Variants in ARHGEF28 observed in about 807,000 individuals in gnomAD.
ARHGEF28 encodes Rho guanine nucleotide exchange factor 28, also known as 190 kDa guanine nucleotide exchange factor.
In ARHGEF28, 152 loss-of-function variants were observed where a neutral mutation model predicts 206.6. That is an observed-to-expected ratio of 0.74 (90% CI 0.64 to 0.84). The LOEUF (loss-of-function observed/expected upper bound fraction) is 0.84, where lower values mean the gene tolerates loss of function less well. ARHGEF28 is among the 40% of genes least tolerant of loss of function. ARHGEF28 has a pLI of 0.00. For missense variants in ARHGEF28, 2,028 were observed against 2,073.2 expected (o/e 0.98, Z 0.42); for synonymous variants, 763 against 776.4 (o/e 0.98, Z 0.29).
chr5:73,923,362 T>C (rs764594041), intron 35 of ARHGEF28, among the ~76,000 whole-genome samples: 1 of 152,174 alleles, frequency 6.6e-6, no homozygotes, highest in Non-Finnish European at 1.5e-5. Context: ...GTTACCTTCA[T>C]GAATATGGAG....
chr5:73,876,469 T>C (rs1760496086), intron 22 of ARHGEF28, among the ~76,000 whole-genome samples: 2 of 135,858 alleles, frequency 1.5e-5, no homozygotes, highest in African/African-American at 2.9e-5. Context: ...TGAATAGGAG[T>C]GGTGAGAGAG....
intron 2 of ARHGEF28, among the ~76,000 whole-genome samples, chr5:73,735,389 A>G (rs1441812196): frequency 1.3e-5 from 2 of 152,158 alleles, no homozygotes; most frequent in African/African-American, 4.8e-5. Flanking sequence ...ATTTAGTAGC[A>G]GAGGCAGCCA....
chr5:73,706,609 CTGAA>C (rs1336512946), intron 2 of ARHGEF28, among the ~76,000 whole-genome samples: 1 of 152,086 alleles, frequency 6.6e-6, no homozygotes, highest in Non-Finnish European at 1.5e-5. Context: ...TATTTATTGA[CTGAA>C]TGAATGAATG....
chr5:73,928,177 G>A (rs1435930738), intron 35 of ARHGEF28, among the ~76,000 whole-genome samples: 2 of 152,182 alleles, frequency 1.3e-5, no homozygotes, highest in Non-Finnish European at 2.9e-5. Context: ...CCAGCACTTC[G>A]GGAGGCCGAG....
chr5:73,776,773 A>C (rs1156254338), intron 6 of ARHGEF28, 77 bp downstream of exon 6: 1 of 1,393,990 alleles, frequency 7.2e-7, no homozygotes, highest in South Asian at 1.8e-5. Flanking sequence ...TTATGAGAAC[A>C]GTGTTTTTTG....
chr5:73,869,229 G>GGGGGGGGGGGA (rs1554072950), intron 20 of ARHGEF28, among the ~76,000 whole-genome samples: 1 of 125,516 alleles, frequency 8.0e-6, no homozygotes, highest in African/African-American at 3.1e-5. Context: ...GGGTGGAGGG[G>GGGGGGGGGGGA]GGTGGGGAAG....
chr5:73,927,293 C>T (rs1303574783), intron 35 of ARHGEF28, among the ~76,000 whole-genome samples: 1 of 152,184 alleles, frequency 6.6e-6, no homozygotes, highest in East Asian at 1.9e-4. Context: ...AGGAGGATCA[C>T]ATGAGCCTGG....
At chr5:73,684,499 A>G (rs902419102) in intron 1 of ARHGEF28, among the ~76,000 whole-genome samples, 6 of 152,036 alleles carry the variant, frequency 3.9e-5, no homozygotes, top group African/African-American at 1.2e-4. Context: ...GGGTTTTTCT[A>G]TCTTTTGGCT....
intron 22 of ARHGEF28, among the ~76,000 whole-genome samples, chr5:73,880,431 C>A (rs546597844): frequency 2.7e-4 from 41 of 152,258 alleles, no homozygotes; most frequent in African/African-American, 9.9e-4. Context: ...TGTGCTGCAC[C>A]CACTGTCCTG....
chr5:73,852,541 G>T, intron 13 of ARHGEF28, 109 bp from the exon 14 acceptor site: 2 of 898,048 alleles, frequency 2.2e-6, no homozygotes, highest in Non-Finnish European at 1.8e-6. Context: ...TTATTTTCTA[G>T]CTGGTAGTGT....
chr5:73,792,988 A>G (rs1250519008), intron 7 of ARHGEF28, among the ~76,000 whole-genome samples: 1 of 152,168 alleles, frequency 6.6e-6, no homozygotes, highest in East Asian at 1.9e-4. Context: ...TGTGTACACA[A>G]GCTGCCTGGG....
chr5:73,703,997 C>T (rs992749637), intron 2 of ARHGEF28, among the ~76,000 whole-genome samples: 2 of 149,358 alleles, frequency 1.3e-5, no homozygotes, highest in East Asian at 4.0e-4. Context: ...GCACTTCAGC[C>T]TAGATGACAG....
chr5:73,934,665 A>C (rs948577103), intron 35 of ARHGEF28, among the ~76,000 whole-genome samples: 6 of 152,206 alleles, frequency 3.9e-5, no homozygotes, highest in Admixed American at 6.5e-5. Flanking sequence ...CATGGAACAC[A>C]ACGCTGTCGG....
At chr5:73,719,516 GATTTCAGAAACTGAC>G (rs930450505) in intron 2 of ARHGEF28, among the ~76,000 whole-genome samples, 4 of 151,942 alleles carry the variant, frequency 2.6e-5, no homozygotes, top group Admixed American at 6.6e-5. Context: ...TCATACTTGG[GATTTCAGAAACTGAC>G]ATTTCTCTTT....
chr5:73,743,739 C>G (rs1343732068), intron 2 of ARHGEF28, among the ~76,000 whole-genome samples: 1 of 152,174 alleles, frequency 6.6e-6, no homozygotes, highest in Non-Finnish European at 1.5e-5. Context: ...GATAGACAGA[C>G]TCCCCAAATA....
intron 2 of ARHGEF28, among the ~76,000 whole-genome samples, chr5:73,703,298 G>T (rs1467489448): frequency 6.6e-6 from 1 of 152,076 alleles, no homozygotes; most frequent in East Asian, 1.9e-4. Context: ...AGGGGTTGGG[G>T]TTCTCTGATT....
At chr5:73,838,443 T>A (rs1002562275) in intron 10 of ARHGEF28, among the ~76,000 whole-genome samples, 17 of 152,326 alleles carry the variant, frequency 1.1e-4, no homozygotes, top group African/African-American at 3.6e-4. Context: ...TCCCATTAAT[T>A]TTCAAGGTTA....
At chr5:73,762,033 A>G (rs563266697) in intron 4 of ARHGEF28, among the ~76,000 whole-genome samples, 89 of 145,594 alleles carry the variant, frequency 6.1e-4, no homozygotes, top group Non-Finnish European at 9.8e-4. Context: ...AGGTCTTGCT[A>G]TATTTCTCAG....
intron 27 of ARHGEF28, 109 bp from the exon 28 acceptor site, chr5:73,893,088 T>G: frequency 1.1e-6 from 1 of 907,388 alleles, no homozygotes; most frequent in Admixed American, 3.4e-5. Flanking sequence ...TATGCTGAAA[T>G]TTTCTCCTTT....
Sources: allele counts gnomAD v4.1 joint callset (sites outside exome capture counted in the v4.1 genomes callset), GRCh38; gene constraint gnomAD v4.1.1; transcripts MANE v1.5; gene names NCBI Gene and HGNC (gene_info 2026-07-23, HGNC 2026-07-21).